Variants in EPRS1 observed in about 807,000 individuals in gnomAD.
EPRS1 encodes the protein glutamyl-prolyl-tRNA synthetase 1, also known as bifunctional glutamate/proline--tRNA ligase.
Under a neutral mutation model 188.3 loss-of-function variants are expected in EPRS1, and 107 were observed. That is an observed-to-expected ratio of 0.57 (90% CI 0.49 to 0.67). The LOEUF is 0.67. Among genes scored for constraint, EPRS1 ranks in the 30% least tolerant of loss-of-function variants. The pLI, the probability that EPRS1 is intolerant of heterozygous loss-of-function variation, is 0.00. For synonymous variants in EPRS1, 596 were observed against 593.1 expected (o/e 1.00, Z -0.07); for missense variants, 1,577 against 1,802.2 (o/e 0.88, Z 2.26).
chr1:219,989,526 A>G (rs1661079217), intron 18 of EPRS1, among the ~76,000 whole-genome samples: 1 of 147,028 alleles, frequency 6.8e-6, no homozygotes, highest in African/African-American at 2.7e-5. Context: ...GGAGGTATCA[A>G]TCAAAATAGA....
At chr1:220,020,332 T>G in intron 9 of EPRS1, 111 bp from the exon 10 acceptor site, 1 of 729,910 alleles carries the variant, frequency 1.4e-6, no homozygotes, top group Non-Finnish European at 2.2e-6. Context: ...AGTTAAGAGA[T>G]TCTTAAAAAC....
At chr1:219,986,296 C>T (rs1045620427) in intron 20 of EPRS1, among the ~76,000 whole-genome samples, 21 of 152,178 alleles carry the variant, frequency 1.4e-4, no homozygotes, top group African/African-American at 2.9e-4. Context: ...TTCAGAAATA[C>T]GCTGTTAGGT....
intron 1 of EPRS1, among the ~76,000 whole-genome samples, chr1:220,041,281 C>A (rs2789819): frequency 0.86 from 131,188 of 151,864 alleles, 57,093 homozygotes; most frequent in African/African-American, 0.97. Context: ...GCAGTGAGCC[C>A]TGATTGCACC....
intron 20 of EPRS1, among the ~76,000 whole-genome samples, chr1:219,985,481 C>T (rs1034008420): frequency 6.6e-6 from 1 of 152,174 alleles, no homozygotes; most frequent in Middle Eastern, 3.2e-3. Flanking sequence ...CAACCTCCAC[C>T]TCCCAGGTTT....
At position 220,018,445 on chromosome 1, in the gene EPRS1, A is replaced by G; in HGVS notation, c.1494+4T>C. Reference sequence around the variant, plus strand: ...AAAAGAAGGCAGAGAGTTAACATACATACCTTTTTGTTAAACGCCCAGATT... The same window carrying G: ...AAAAGAAGGCAGAGAGTTAACATACGTACCTTTTTGTTAAACGCCCAGATT... On this transcript the variant is annotated splice_donor_region_variant and intron_variant, in intron 12 of 31. Transcript: ENST00000366923. 4 of 1,606,060 alleles carry G rather than the reference A, an allele frequency of 2.5e-6. No homozygotes were observed. The highest frequency in any genetic ancestry group is 2.2e-5 in the East Asian group (1 of 44,810).
chr1:220,007,469 T>C (rs1661513584), intron 13 of EPRS1, 131 bp from the exon 14 acceptor site: 1 of 759,640 alleles, frequency 1.3e-6, no homozygotes, highest in Non-Finnish European at 2.1e-6. Flanking sequence ...TAGCAGTTCA[T>C]TGCTGTATTA....
Position 219,984,131 on chromosome 1 carries a change from A to G in EPRS1, c.3090+75T>C, listed in dbSNP as rs191435044. ...CATTATTACTATTGCCTTTGTGCCC[A>G]TATTTTAGAATCTGAACATAAAAAG... On this transcript the variant is annotated intron_variant, in intron 21 of 31. Coordinates refer to ENST00000366923, the MANE Select transcript of EPRS1 (RefSeq NM_004446.3). The G allele has an allele frequency of 8.7e-4, 872 of 998,882 alleles. 10 individuals carry two copies. In the African/African-American group the frequency reaches 0.012, roughly 14 times the overall value. The allele number at this position is 998,882 out of a possible 1,614,324, so 61.9% of individuals were successfully genotyped here.
In EPRS1 at chr1:219,988,822, G is replaced by C. The variant is rs372428889; in HGVS notation, c.2543C>G (p.Ala848Gly). Residue 848 changes from alanine (A) to glycine (G), a missense_variant and splice_region_variant, in exon 19 of 32, where the codon GCT (alanine) becomes GGT (glycine). Around this residue, in one of 3 missense-constraint regions of EPRS1, gnomAD observed 1,278 missense variants for 1,457.4 expected, o/e 0.88. Coordinates refer to ENST00000366923, the MANE Select transcript of EPRS1 (RefSeq NM_004446.3). ...GCATTCTACAGCTTCATTTATTTTA[G>C]CCTAAAATAAAAGAGAGAAAGAGAT... Reference protein sequence around the residue: ...RKLKAEKSPKAKINEAVECLL... With the variant: ...RKLKAEKSPKGKINEAVECLL... The C allele has an allele frequency of 8.3e-6, 13 of 1,566,698 alleles. No homozygotes were observed. The South Asian group carries it at 1.6e-4, about 19-fold the overall frequency.
chr1:220,000,833 T>A (rs1415296311), intron 17 of EPRS1, among the ~76,000 whole-genome samples: 1 of 152,022 alleles, frequency 6.6e-6, no homozygotes, highest in Non-Finnish European at 1.5e-5. Context: ...ATACAAAAAT[T>A]AGCCGGGCGT....
At chr1:220,040,422 C>A (rs1341812939) in intron 1 of EPRS1, among the ~76,000 whole-genome samples, 153 bp from the exon 2 acceptor site, 1 of 152,192 alleles carries the variant, frequency 6.6e-6, no homozygotes, top group Admixed American at 6.5e-5. Context: ...AAAATGTAGT[C>A]TTTTGTCTCA....
chr1:219,976,644 A>G (rs1317711254), intron 28 of EPRS1, among the ~76,000 whole-genome samples: 1 of 152,156 alleles, frequency 6.6e-6, no homozygotes, highest in Non-Finnish European at 1.5e-5. Flanking sequence ...TGACTGTTGC[A>G]TGATAAAAAA....
chr1:219,994,941 C>T (rs769572341), intron 18 of EPRS1, among the ~76,000 whole-genome samples: 10 of 152,172 alleles, frequency 6.6e-5, no homozygotes, highest in Middle Eastern at 3.4e-3. Context: ...CATGAGCCAC[C>T]GCACCTGGCC....
intron 6 of EPRS1, among the ~76,000 whole-genome samples, chr1:220,030,071 C>T (rs1011296078): frequency 1.3e-5 from 2 of 151,926 alleles, no homozygotes; most frequent in Non-Finnish European, 2.9e-5. Flanking sequence ...AAATGAAAGC[C>T]CAAAAATCTA....
chr1:220,042,689 A>AG (rs1210098607), intron 1 of EPRS1, among the ~76,000 whole-genome samples: 3 of 151,896 alleles, frequency 2.0e-5, no homozygotes, highest in Non-Finnish European at 2.9e-5. Context: ...TGGGAGGCTG[A>AG]GGGGGGCGGA....
At chr1:219,969,254 T>C in intron 30 of EPRS1, 132 bp from the exon 31 acceptor site, 1 of 667,430 alleles carries the variant, frequency 1.5e-6, no homozygotes. Context: ...CAGGCTATGA[T>C]ACCTTTGCAA....
intron 6 of EPRS1, among the ~76,000 whole-genome samples, chr1:220,026,806 A>G (rs1182528384): frequency 1.3e-4 from 19 of 151,970 alleles, no homozygotes; most frequent in Non-Finnish European, 5.9e-5. Context: ...CAGTTTTAAG[A>G]TAGTTACCTG....
chr1:220,038,907 G>C (rs1273215940), intron 2 of EPRS1, among the ~76,000 whole-genome samples: 2 of 152,146 alleles, frequency 1.3e-5, no homozygotes, highest in Admixed American at 6.5e-5. Context: ...GGTGAAGTCT[G>C]TCTGAGCTGG....
chr1:220,005,738 T>C (rs1248636581), intron 15 of EPRS1, among the ~76,000 whole-genome samples: 1 of 152,152 alleles, frequency 6.6e-6, no homozygotes. Context: ...TACTATTTAC[T>C]GTTTGTCCTC....
chr1:220,046,067 A>G (rs1386542168), intron 1 of EPRS1, among the ~76,000 whole-genome samples: 1 of 152,188 alleles, frequency 6.6e-6, no homozygotes, highest in African/African-American at 2.4e-5. Context: ...CCCTCTGAGA[A>G]AAAGATCCGA....
Sources: gnomAD v4.1 joint callset for allele counts (sites outside exome capture counted in the v4.1 genomes callset) on GRCh38, gnomAD v4.1.1 for gene constraint, gnomAD v4.1.1 regional missense constraint, MANE v1.5 for transcripts, NCBI Gene and HGNC (gene_info 2026-07-23, HGNC 2026-07-21) for gene names.